The following SNTN variants were observed in gnomAD, a reference collection of about 807,000 sequenced individuals.
SNTN encodes sentan.
A neutral mutation model predicts 12.3 loss-of-function variants in SNTN; 13 were observed. The observed-to-expected ratio is 1.05, with a 90% CI of 0.69 to 1.67. The LOEUF is 1.67. Among genes scored for constraint, SNTN ranks in the 40% most tolerant of loss-of-function variants. The probability of loss-of-function intolerance (pLI) is 0.00; values close to 1 mark genes in which losing one functional copy is unlikely to be tolerated. For synonymous variants in SNTN, 69 were observed against 58.5 expected, an observed-to-expected ratio of 1.18 and a Z score of -0.82; for missense variants, 189 against 169.8, an observed-to-expected ratio of 1.11 and a Z score of -0.63.
chr3:63,656,219 A>G lies in SNTN; in HGVS notation c.145+1423A>G, dbSNP rs117329586. ...AACGAATTAGGAGATTTAGTGTTCC[A>G]CATTCCAGAGCAGGTGAGGAGGAAG... On this transcript the variant is annotated intron_variant, in intron 2 of 3. Coordinates refer to ENST00000343837, the MANE Select transcript of SNTN (RefSeq NM_001080537.2). 1.1e-3 allele frequency among the ~76,000 whole-genome samples: 166 copies of G among 152,328 alleles called. 4 individuals carry two copies. The East Asian group carries it at 0.026, about 24-fold the overall frequency.
Position 63,659,790 on chromosome 3 carries a change from T to G in SNTN, c.211T>G (p.Ser71Ala). 5 of 1,614,040 alleles carry G rather than the reference T, an allele frequency of 3.1e-6. No homozygotes were observed. Among genetic ancestry groups the G allele is most frequent in the Non-Finnish European group, 4.2e-6 (5 of 1,179,934 alleles). ...CACTGCTCTGATTTTCAGAAATTCT[T>G]CTGACTCTGATGGTAAACTTGAAAA... ...ATTALIFRNSSDSDGKLEKAI... is the reference protein window; with the variant it reads ...ATTALIFRNSADSDGKLEKAI... Residue 71 changes from serine (S) to alanine (A), a missense_variant, in exon 3 of 4, where the codon TCT (serine) becomes GCT (alanine). Physicochemically the swap from Ser to Ala is moderately conservative, Grantham distance 99. Coordinates refer to ENST00000343837, the MANE Select transcript of SNTN (RefSeq NM_001080537.2).
chr3:63,663,582 G>A (rs1700766033), intron 3 of SNTN: 2 of 231,186 alleles, frequency 8.7e-6, no homozygotes, highest in South Asian at 6.6e-5. Flanking sequence ...CCTTGGGGGT[G>A]GTGAGTGAGT....
At chr3:63,653,607 C>CTACCAAATTCTATTATCCT (rs1242073683) in intron 1 of SNTN, among the ~76,000 whole-genome samples, 3 of 152,162 alleles carry the variant, frequency 2.0e-5, no homozygotes, top group Non-Finnish European at 4.4e-5. Context: ...ATCCAAGGTA[C>CTACCAAATTCTATTATCCT]TACCAAATTC....
At position 63,664,120 on chromosome 3, in the gene SNTN, A is replaced by G; in HGVS notation, c.*25A>G. ...AACAGTTTTAAATATGCTGTATAAA[A>G]TAATGGCAAAAGACAGTGTTATTAA... On this transcript the variant is annotated 3_prime_UTR_variant, in exon 4 of 4. Coordinates refer to ENST00000343837, the MANE Select transcript of SNTN (RefSeq NM_001080537.2). 1.3e-6 allele frequency: 2 copies of G among 1,554,950 alleles called. No individual in the cohort carries two copies. Among genetic ancestry groups the G allele is most frequent in the Non-Finnish European group, 1.7e-6 (2 of 1,145,612 alleles).
intron 2 of SNTN, among the ~76,000 whole-genome samples, chr3:63,655,079 G>GTC (rs1700662163): frequency 6.6e-6 from 1 of 152,040 alleles, no homozygotes; most frequent in Non-Finnish European, 1.5e-5. Flanking sequence ...ATCCAGTTGC[G>GTC]TCTCCAAGGG....
At chr3:63,654,873 G>A in intron 2 of SNTN, 77 bp downstream of exon 2, 1 of 1,288,852 alleles carries the variant, frequency 7.8e-7, no homozygotes, top group Non-Finnish European at 1.1e-6. Context: ...AAAAATAATA[G>A]GACATCAAAG....
chr3:63,663,268 T>G (rs1700761305), intron 3 of SNTN, among the ~76,000 whole-genome samples: 1 of 152,192 alleles, frequency 6.6e-6, no homozygotes. Context: ...GTCTCTTAAT[T>G]ATCACCTGTC....
Position 63,664,318 on chromosome 3 carries a change from T to G in SNTN, c.*223T>G. 1 of 446,940 alleles carries G rather than the reference T, an allele frequency of 2.2e-6. No homozygotes were observed. The highest frequency in any genetic ancestry group is 3.9e-6 in the Non-Finnish European group (1 of 255,190). The allele number at this position is 446,940 out of a possible 1,614,324, so 27.7% of individuals were successfully genotyped here. ...TGTGTGCTTTACAATAGGATAGATT[T>G]GATACCACTGAATAATAAATGGCTT... On this transcript the variant is annotated 3_prime_UTR_variant, in exon 4 of 4. Coordinates refer to ENST00000343837, the MANE Select transcript of SNTN (RefSeq NM_001080537.2).
chr3:63,664,107 T>A lies in SNTN; in HGVS notation c.*12T>A, dbSNP rs1344166323. ...AAATTATGAAATGAACAGTTTTAAA[T>A]ATGCTGTATAAAATAATGGCAAAAG... is the stretch of plus-strand genomic sequence containing the variant. On this transcript the variant is annotated 3_prime_UTR_variant, in exon 4 of 4. Transcript: ENST00000343837. The A allele has an allele frequency of 6.3e-7, 1 of 1,584,900 alleles. No homozygotes were observed. Among genetic ancestry groups the A allele is most frequent in the East Asian group, 2.3e-5 (1 of 44,224 alleles).
chr3:63,656,484 G>GA (rs578154550), intron 2 of SNTN, among the ~76,000 whole-genome samples: 31 of 151,748 alleles, frequency 2.0e-4, no homozygotes, highest in South Asian at 1.3e-3. Context: ...GACTTAGTAG[G>GA]AAAAAAAATG....
intron 3 of SNTN, among the ~76,000 whole-genome samples, chr3:63,660,215 G>C (rs1439168807): frequency 6.6e-6 from 1 of 152,172 alleles, no homozygotes. Flanking sequence ...GCAGGAGGTA[G>C]CTAGGCAAGG....
chr3:63,654,627 T>C (rs943585924), intron 1 of SNTN, 135 bp from the exon 2 acceptor site: 8 of 719,498 alleles, frequency 1.1e-5, no homozygotes, highest in Admixed American at 5.7e-5. Context: ...GAAACACAGA[T>C]GGCTGCTCCA....
intron 3 of SNTN, among the ~76,000 whole-genome samples, chr3:63,661,094 T>TA (rs1352520605): frequency 6.6e-6 from 1 of 152,148 alleles, no homozygotes; most frequent in East Asian, 1.9e-4. Context: ...TGGATTAGAG[T>TA]AAAAAATAAT....
chr3:63,657,145 A>G (rs1700688704), intron 2 of SNTN, among the ~76,000 whole-genome samples: 1 of 152,218 alleles, frequency 6.6e-6, no homozygotes, highest in African/African-American at 2.4e-5. Context: ...GGGCCTGGTA[A>G]TAAATACTTG....
At chr3:63,654,550 T>C (rs903953897) in intron 1 of SNTN, among the ~76,000 whole-genome samples, 1 of 152,198 alleles carries the variant, frequency 6.6e-6, no homozygotes, top group African/African-American at 2.4e-5. Context: ...AAGACTGATA[T>C]ACGTGGGTAG....
intron 3 of SNTN, among the ~76,000 whole-genome samples, chr3:63,663,417 T>C (rs577202407): frequency 4.5e-4 from 69 of 152,360 alleles, no homozygotes; most frequent in African/African-American, 1.6e-3. Flanking sequence ...GATGTGTTAT[T>C]ATTGTTAATA....
At position 63,664,298 on chromosome 3, in the gene SNTN, G is replaced by C. The variant is rs1202371886; in HGVS notation, c.*203G>C. On this transcript the variant is annotated 3_prime_UTR_variant, in exon 4 of 4. Coordinates refer to ENST00000343837, the MANE Select transcript of SNTN (RefSeq NM_001080537.2). Reference sequence around the variant, plus strand: ...TGTTTGAATGATAAGGTCTCTGTGTGCTTTACAATAGGATAGATTTGATAC... The same window carrying C: ...TGTTTGAATGATAAGGTCTCTGTGTCCTTTACAATAGGATAGATTTGATAC... 1 of 524,444 alleles carries C rather than the reference G, an allele frequency of 1.9e-6. No homozygotes were observed. The highest frequency in any genetic ancestry group is 3.3e-6 in the Non-Finnish European group (1 of 304,442). 32.5% of individuals were successfully genotyped at this position (524,444 alleles called of 1,614,324 possible).
At chr3:63,658,766 T>A (rs566675143) in intron 2 of SNTN, among the ~76,000 whole-genome samples, 7 of 152,290 alleles carry the variant, frequency 4.6e-5, no homozygotes, top group African/African-American at 1.7e-4. Flanking sequence ...GCACTCAATA[T>A]GAAAATCATG....
intron 3 of SNTN, among the ~76,000 whole-genome samples, chr3:63,662,192 A>G (rs1431890741): frequency 6.6e-6 from 1 of 152,160 alleles, no homozygotes; most frequent in Non-Finnish European, 1.5e-5. Context: ...GCCCTGCCCC[A>G]TGAGACCCCC....
Sources: allele counts gnomAD v4.1 joint callset (sites outside exome capture counted in the v4.1 genomes callset), GRCh38; gene constraint gnomAD v4.1.1; transcripts MANE v1.5; gene names NCBI Gene and HGNC (gene_info 2026-07-23, HGNC 2026-07-21).